Variants in KCNJ3 observed in about 807,000 individuals in gnomAD.
KCNJ3 encodes G protein-activated inward rectifier potassium channel 1.
In KCNJ3, 4 loss-of-function variants were observed where a neutral mutation model predicts 39.2. That is an observed-to-expected ratio of 0.10 (90% CI 0.05 to 0.23). The LOEUF (loss-of-function observed/expected upper bound fraction) is 0.23. KCNJ3 is among the 10% of genes least tolerant of loss of function. The pLI is 1.00. For missense variants in KCNJ3, 276 were observed against 634.9 expected (o/e 0.43, Z 6.08); for synonymous variants, 230 against 237.4 (o/e 0.97, Z 0.29).
intron 2 of KCNJ3, among the ~76,000 whole-genome samples, chr2:154,835,516 T>TGA (rs1422753082): frequency 6.6e-5 from 9 of 137,342 alleles, no homozygotes; most frequent in Admixed American, 7.6e-5. Context: ...AAAATATATA[T>TGA]ATATGAATAT....
chr2:154,835,542 CATA>C (rs1176683020), intron 2 of KCNJ3, among the ~76,000 whole-genome samples: 5 of 148,524 alleles, frequency 3.4e-5, no homozygotes, highest in Admixed American at 6.8e-5. Context: ...TTCTGGATGA[CATA>C]ATAATTTATA....
At chr2:154,769,515 C>G (rs1686199408) in intron 2 of KCNJ3, among the ~76,000 whole-genome samples, 1 of 152,142 alleles carries the variant, frequency 6.6e-6, no homozygotes, top group Non-Finnish European at 1.5e-5. Context: ...GTTGCACCAG[C>G]CTTACATCCC....
At position 154,751,143 on chromosome 2, in the gene KCNJ3, T is replaced by G. The variant is rs1188362648; in HGVS notation, c.919+41324T>G. On this transcript the variant is annotated intron_variant, in intron 2 of 2. Coordinates refer to ENST00000295101, the MANE Select transcript of KCNJ3 (RefSeq NM_002239.4). The stretch of plus-strand genomic sequence containing the variant: ...ATACCACCTATTCCCCAAAAACCTA[T>G]GGAAATAAAAAAATTAAAAATCATA... 2.0e-5 allele frequency among the ~76,000 whole-genome samples: 3 copies of G among 151,848 alleles called. No homozygotes were observed. The East Asian group carries it at 5.8e-4, about 29-fold the overall frequency.
At chr2:154,760,209 T>C (rs1259953779) in intron 2 of KCNJ3, among the ~76,000 whole-genome samples, 1 of 152,224 alleles carries the variant, frequency 6.6e-6, no homozygotes, top group African/African-American at 2.4e-5. Context: ...ACTGCCATTG[T>C]TTTAATTTAC....
chr2:154,821,259 T>C (rs1687167953), intron 2 of KCNJ3, among the ~76,000 whole-genome samples: 1 of 152,118 alleles, frequency 6.6e-6, no homozygotes, highest in Non-Finnish European at 1.5e-5. Flanking sequence ...AGCCCAAATT[T>C]CTCTCTTTGT....
At chr2:154,846,836 T>C (rs1408483413) in intron 2 of KCNJ3, among the ~76,000 whole-genome samples, 1 of 152,152 alleles carries the variant, frequency 6.6e-6, no homozygotes, top group Admixed American at 6.6e-5. Context: ...ATTTGAAATA[T>C]TTGTTTCTAA....
intron 2 of KCNJ3, among the ~76,000 whole-genome samples, chr2:154,831,087 G>A (rs1687355189): frequency 6.6e-6 from 1 of 152,032 alleles, no homozygotes; most frequent in African/African-American, 2.4e-5. Context: ...CTTCTCAATT[G>A]GTTTACTTGT....
At chr2:154,702,450 C>A (rs750675237) in intron 1 of KCNJ3, among the ~76,000 whole-genome samples, 8 of 151,830 alleles carry the variant, frequency 5.3e-5, no homozygotes, top group Non-Finnish European at 1.2e-4. Context: ...AGAACATGGG[C>A]ATGGCTTTCT....
chr2:154,748,699 TAGAG>T (rs1317351958), intron 2 of KCNJ3, among the ~76,000 whole-genome samples: 1 of 152,094 alleles, frequency 6.6e-6, no homozygotes, highest in Non-Finnish European at 1.5e-5. Flanking sequence ...ATTATGAAAA[TAGAG>T]TAAGTAATGA....
At chr2:154,757,413 G>A (rs552255543) in intron 2 of KCNJ3, among the ~76,000 whole-genome samples, 72 of 152,194 alleles carry the variant, frequency 4.7e-4, no homozygotes, top group African/African-American at 1.6e-3. Flanking sequence ...AGGAATAGGA[G>A]CATAAAATAC....
chr2:154,854,784 G>A lies in KCNJ3; in HGVS notation c.977G>A (p.Arg326His), dbSNP rs1558892646. ...GAAGATGAAGTTCTTTGGGGTCATCGTTTTTTTCCTGTAATTTCCTTAGAA... is the reference window on the plus strand; with the variant it reads ...GAAGATGAAGTTCTTTGGGGTCATCATTTTTTTCCTGTAATTTCCTTAGAA... ...YTEDEVLWGH[R>H]FFPVISLEEG... is the part of the protein sequence containing the mutation. Residue 326 changes from arginine to histidine, a missense_variant, in exon 3 of 3, where the codon CGT becomes CAT. This residue lies in a region of KCNJ3 where 77 missense variants were observed against 200.0 expected (regional missense o/e 0.38). Transcript: ENST00000295101. The A allele has an allele frequency of 1.2e-6, 2 of 1,613,778 alleles. No homozygotes were observed. The highest frequency in any genetic ancestry group is 2.2e-5 in the East Asian group (1 of 44,852).
intron 1 of KCNJ3, among the ~76,000 whole-genome samples, chr2:154,706,441 G>A (rs1020580379): frequency 8.6e-5 from 13 of 152,016 alleles, no homozygotes; most frequent in African/African-American, 2.9e-4. Flanking sequence ...TAAATAATAT[G>A]AAACTGATGA....
At chr2:154,744,116 A>T (rs1685697641) in intron 2 of KCNJ3, among the ~76,000 whole-genome samples, 1 of 151,614 alleles carries the variant, frequency 6.6e-6, no homozygotes, top group Non-Finnish European at 1.5e-5. Context: ...GTTTCTCTTC[A>T]CTTAGTTAAT....
At chr2:154,804,501 A>G (rs1686875577) in intron 2 of KCNJ3, among the ~76,000 whole-genome samples, 1 of 152,122 alleles carries the variant, frequency 6.6e-6, no homozygotes, top group African/African-American at 2.4e-5. Context: ...AATGGGAGGA[A>G]ATAGTCAGGT....
chr2:154,712,396 A>T lies in KCNJ3; in HGVS notation c.919+2577A>T, dbSNP rs150534941. On this transcript the variant is annotated intron_variant, in intron 2 of 2. Coordinates refer to ENST00000295101, the MANE Select transcript of KCNJ3 (RefSeq NM_002239.4). ...TGGGATTGTTTCAGGGAACAAGAAT[A>T]CTGTTTTTACTTCTTACTATCTTGT... is the stretch of plus-strand genomic sequence containing the variant. Among the ~76,000 whole-genome samples, 56 of 152,346 alleles carry T rather than the reference A, an allele frequency of 3.7e-4. No individual in the cohort carries two copies. In the East Asian group the frequency reaches 0.01, roughly 28 times the overall value.
chr2:154,766,562 T>G (rs1005989245), intron 2 of KCNJ3, among the ~76,000 whole-genome samples: 49 of 152,022 alleles, frequency 3.2e-4, no homozygotes, highest in African/African-American at 1.2e-3. Flanking sequence ...TATTTTTATT[T>G]TATATATTTT....
intron 2 of KCNJ3, among the ~76,000 whole-genome samples, chr2:154,804,237 A>G (rs755284023): frequency 5.3e-5 from 8 of 152,150 alleles, no homozygotes; most frequent in African/African-American, 1.7e-4. Context: ...TCCCCGATGA[A>G]TGTTGGTAAA....
rs1225870721 is a variant in KCNJ3 at position 154,837,506 on chromosome 2, G to A, written c.920-17221G>A. ...TTTTTATTTGTGACCCTCTGGAGTG[G>A]TGGTGAAGTAGATTGGTATAGTAAT... On this transcript the variant is annotated intron_variant, in intron 2 of 2. Transcript: ENST00000295101. Among the ~76,000 whole-genome samples the A allele has an allele frequency of 5.3e-5, 8 of 152,204 alleles. No homozygotes were observed. The East Asian group carries it at 1.3e-3, about 26-fold the overall frequency.
chr2:154,846,726 A>ATCT lies in KCNJ3; in HGVS notation c.920-7998_920-7996dup, dbSNP rs1406000047. On this transcript the variant is annotated intron_variant, in intron 2 of 2. Coordinates refer to ENST00000295101, the MANE Select transcript of KCNJ3 (RefSeq NM_002239.4). Reference sequence around the variant, plus strand: ...CCATGAGCCTTTAGCATCTGCACTTATCTTCCTTTTTGAACATCTAACATT... The same window carrying ATCT: ...CCATGAGCCTTTAGCATCTGCACTTATCTTCTTCCTTTTTGAACATCTAACATT... Among the ~76,000 whole-genome samples, 10 of 152,256 alleles carry ATCT rather than the reference A, an allele frequency of 6.6e-5. No individual in the cohort carries two copies. In the South Asian group the frequency reaches 1.5e-3, roughly 22 times the overall value.
Sources: gnomAD v4.1 joint callset for allele counts (sites outside exome capture counted in the v4.1 genomes callset) on GRCh38, gnomAD v4.1.1 for gene constraint, gnomAD v4.1.1 regional missense constraint, MANE v1.5 for transcripts, NCBI Gene and HGNC (gene_info 2026-07-23, HGNC 2026-07-21) for gene names.